Variants in ACSS3 observed in about 807,000 individuals in gnomAD.
ACSS3 encodes acyl-CoA synthetase short-chain family member 3, mitochondrial.
ACSS3 carries 64 observed loss-of-function variants against 84.2 expected under a neutral mutation model. The observed-to-expected ratio is 0.76, with a 90% confidence interval of 0.62 to 0.94. The LOEUF (loss-of-function observed/expected upper bound fraction) is 0.94, where lower values mean the gene tolerates loss of function less well. Among genes scored for constraint, ACSS3 ranks in the 40% least tolerant of loss-of-function variants. The probability of loss-of-function intolerance (pLI) is 0.00; values close to 1 mark genes in which losing one functional copy is unlikely to be tolerated. For synonymous variants in ACSS3, 317 were observed against 310.1 expected, an observed-to-expected ratio of 1.02 and a Z score of -0.23; for missense variants, 815 against 867.6, an observed-to-expected ratio of 0.94 and a Z score of 0.76.
At chr12:81,111,281 AAGAC>A (rs1452848760) in intron 2 of ACSS3, among the ~76,000 whole-genome samples, 2 of 152,176 alleles carry the variant, frequency 1.3e-5, no homozygotes, top group African/African-American at 4.8e-5. Context: ...TCTAGATTGA[AAGAC>A]AGAGTAGTAA....
intron 2 of ACSS3, among the ~76,000 whole-genome samples, chr12:81,119,662 G>C (rs1884396235): frequency 6.6e-6 from 1 of 152,118 alleles, no homozygotes; most frequent in South Asian, 2.1e-4. Context: ...TTTATAGGCT[G>C]TCTATGCTAT....
chr12:81,101,768 G>T (rs544805649), intron 1 of ACSS3, among the ~76,000 whole-genome samples: 26 of 151,916 alleles, frequency 1.7e-4, no homozygotes, highest in African/African-American at 6.3e-4. Context: ...TTAATATCAA[G>T]TCAGAGGGGC....
chr12:81,227,398 T>TACACACACACAC lies in ACSS3; in HGVS notation c.1515-3645_1515-3634dup, dbSNP rs34993441. Among the ~76,000 whole-genome samples the TACACACACACAC allele has an allele frequency of 3.1e-3, 459 of 148,684 alleles. 1 individual carries two copies. Among genetic ancestry groups the TACACACACACAC allele is most frequent in the African/African-American group, 0.01 (422 of 40,566 alleles). On this transcript the variant is annotated intron_variant, in intron 11 of 15. Coordinates refer to ENST00000548058, the MANE Select transcript of ACSS3 (RefSeq NM_024560.4). Reference sequence around the variant, plus strand: ...CCTATTCATAATGTTGAGGACTATTTACACACACACACACACACACACACA... The same window carrying TACACACACACAC: ...CCTATTCATAATGTTGAGGACTATTTACACACACACACACACACACACACACACACACACACA...
chr12:81,148,897 TAAAAAA>T (rs397851051), intron 5 of ACSS3, among the ~76,000 whole-genome samples: 25 of 81,822 alleles, frequency 3.1e-4, no homozygotes, highest in Admixed American at 4.7e-4. Context: ...CTGCCTCTAC[TAAAAAA>T]AAAAAAAAAA....
chr12:81,180,565 G>A lies in ACSS3; in HGVS notation c.1250+5626G>A, dbSNP rs144641865. Among the ~76,000 whole-genome samples the A allele has an allele frequency of 4.7e-3, 716 of 152,194 alleles. 6 individuals are homozygous for A. The highest frequency in any genetic ancestry group is 0.013 in the African/African-American group (550 of 41,516). ...GAGTCTCACTCTGTTGCCCAGGCTG[G>A]AGTGCAGTGGCATGATCTTGGCTCA... On this transcript the variant is annotated intron_variant, in intron 8 of 15. Transcript: ENST00000548058.
At chr12:81,089,937 C>T (rs1292387844) in intron 1 of ACSS3, among the ~76,000 whole-genome samples, 2 of 151,984 alleles carry the variant, frequency 1.3e-5, no homozygotes, top group African/African-American at 4.8e-5. Context: ...TTAGTTTTTT[C>T]AACCCAGTTG....
intron 2 of ACSS3, among the ~76,000 whole-genome samples, chr12:81,126,002 C>T (rs1885067873): frequency 6.6e-6 from 1 of 152,102 alleles, no homozygotes; most frequent in African/African-American, 2.4e-5. Context: ...ATGTGGAAAG[C>T]ACTTACTTTT....
chr12:81,195,184 A>G (rs1288975290), intron 8 of ACSS3, among the ~76,000 whole-genome samples: 4 of 152,018 alleles, frequency 2.6e-5, no homozygotes, highest in Non-Finnish European at 5.9e-5. Context: ...ATAAATTTTA[A>G]TGTGTTATCT....
chr12:81,127,165 A>T (rs574458549), intron 2 of ACSS3, among the ~76,000 whole-genome samples: 43 of 151,890 alleles, frequency 2.8e-4, no homozygotes, highest in Non-Finnish European at 5.7e-4. Flanking sequence ...AAATTGGCTT[A>T]GCATAATATC....
At chr12:81,176,010 A>C (rs538428407) in intron 8 of ACSS3, among the ~76,000 whole-genome samples, 11 of 152,294 alleles carry the variant, frequency 7.2e-5, no homozygotes, top group Admixed American at 7.2e-4. Context: ...TTAGATCTGA[A>C]CTGAAAAAAA....
At chr12:81,082,322 T>A (rs1465076487) in intron 1 of ACSS3, among the ~76,000 whole-genome samples, 26 of 152,298 alleles carry the variant, frequency 1.7e-4, no homozygotes, top group Admixed American at 1.7e-3. Context: ...GCATATCTGG[T>A]TTTCAACATG....
chr12:81,255,122 G>C lies in ACSS3; in HGVS notation c.*200G>C, dbSNP rs1565747681. On this transcript the variant is annotated 3_prime_UTR_variant, in exon 16 of 16. Coordinates refer to ENST00000548058, the MANE Select transcript of ACSS3 (RefSeq NM_024560.4). Reference sequence around the variant, plus strand: ...TTTTTGGTTTGACCCTGTTAGCATTGTTATTAGTTATCTATAACATGGCTT... The same window carrying C: ...TTTTTGGTTTGACCCTGTTAGCATTCTTATTAGTTATCTATAACATGGCTT... 1 of 466,040 alleles carries C rather than the reference G, an allele frequency of 2.1e-6. No homozygotes were observed. The highest frequency in any genetic ancestry group is 3.6e-5 in the East Asian group (1 of 27,576). The allele number at this position is 466,040 out of a possible 1,614,324, so 28.9% of individuals were successfully genotyped here. A position where few individuals can be genotyped will look rare whatever the true frequency, so the allele number is the denominator to read the frequency against.
At chr12:81,249,458 G>A (rs555230412) in intron 13 of ACSS3, among the ~76,000 whole-genome samples, 24 of 152,094 alleles carry the variant, frequency 1.6e-4, no homozygotes, top group Admixed American at 9.2e-4. Context: ...CTCAGGACAC[G>A]GTTCACATGC....
chr12:81,209,705 G>T (rs578095873), intron 9 of ACSS3, among the ~76,000 whole-genome samples: 38 of 152,264 alleles, frequency 2.5e-4, no homozygotes, highest in African/African-American at 8.9e-4. Context: ...AGAGCAGCCC[G>T]AACGGCTACT....
chr12:81,250,387 A>T (rs963102296), intron 13 of ACSS3, among the ~76,000 whole-genome samples: 3 of 152,114 alleles, frequency 2.0e-5, no homozygotes, highest in African/African-American at 4.8e-5. Flanking sequence ...TGCGTCTCAT[A>T]ATTTTTAAGA....
chr12:81,091,435 T>C (rs1314637547), intron 1 of ACSS3, among the ~76,000 whole-genome samples: 2 of 152,082 alleles, frequency 1.3e-5, no homozygotes, highest in East Asian at 3.9e-4. Flanking sequence ...AAAACTGATT[T>C]TATTATTATT....
intron 1 of ACSS3, among the ~76,000 whole-genome samples, chr12:81,080,788 A>G (rs939942513): frequency 3.9e-5 from 6 of 152,244 alleles, no homozygotes; most frequent in Admixed American, 6.5e-5. Context: ...GAGCTGGCAT[A>G]TAAATTTTTA....
chr12:81,102,664 T>C (rs7962883), intron 1 of ACSS3, among the ~76,000 whole-genome samples: 15,487 of 120,326 alleles, frequency 0.13, 1,022 homozygotes, highest in East Asian at 0.22. Flanking sequence ...CTACTAAAAC[T>C]ACCAAAAAAA....
chr12:81,235,447 T>A (rs1251344912), intron 13 of ACSS3, among the ~76,000 whole-genome samples: 1 of 151,358 alleles, frequency 6.6e-6, no homozygotes, highest in African/African-American at 2.4e-5. Flanking sequence ...TCTTTCTTAG[T>A]CTTGTTGTAG....
Sources: gnomAD v4.1 joint callset for allele counts (sites outside exome capture counted in the v4.1 genomes callset) on GRCh38, gnomAD v4.1.1 for gene constraint, MANE v1.5 for transcripts, NCBI Gene and HGNC (gene_info 2026-07-23, HGNC 2026-07-21) for gene names.